FAM13A: variants seen among roughly 807,000 people sequenced by gnomAD.
FAM13A encodes the protein family with sequence similarity 13 member A.
Under a neutral mutation model 129.6 loss-of-function variants are expected in FAM13A, and 76 were observed. The observed-to-expected ratio is 0.59, with a 90% confidence interval of 0.49 to 0.71. The LOEUF (loss-of-function observed/expected upper bound fraction) is 0.71. FAM13A is among the 30% of genes least tolerant of loss of function. FAM13A has a pLI of 0.00. For synonymous variants in FAM13A, 443 were observed against 449.9 expected (o/e 0.98, Z 0.20); for missense variants, 1,108 against 1,249.3 (o/e 0.89, Z 1.70).
At chr4:88,832,851 C>T (rs540494651) in intron 7 of FAM13A, among the ~76,000 whole-genome samples, 4 of 150,884 alleles carry the variant, frequency 2.7e-5, no homozygotes, top group Admixed American at 2.6e-4. Context: ...AACAGAAATA[C>T]CATTTGACTC....
intron 6 of FAM13A, among the ~76,000 whole-genome samples, chr4:88,869,911 G>A (rs958686822): frequency 2.6e-5 from 4 of 152,104 alleles, no homozygotes; most frequent in African/African-American, 9.7e-5. Context: ...ATCAATATGT[G>A]CCCAGATGAA....
At chr4:89,004,468 G>C (rs1162791660) in intron 3 of FAM13A, among the ~76,000 whole-genome samples, 2 of 152,196 alleles carry the variant, frequency 1.3e-5, no homozygotes, top group Non-Finnish European at 2.9e-5. Flanking sequence ...AGCCAACGAT[G>C]AGAAAGTTCA....
intron 5 of FAM13A, among the ~76,000 whole-genome samples, chr4:88,928,894 A>G (rs1752623363): frequency 6.6e-6 from 1 of 151,236 alleles, no homozygotes; most frequent in African/African-American, 2.4e-5. Context: ...CTTTTTCTCT[A>G]ATTTTGTCTT....
Position 88,902,824 on chromosome 4 carries a change from T to C in FAM13A, c.843+3555A>G, listed in dbSNP as rs192020098. On this transcript the variant is annotated intron_variant, in intron 6 of 23. Transcript: ENST00000264344. ...GCAAGAGAGAAAGTCAAACTATCCC[T>C]GTTTTCATATGACATGATCCTATAT... 4.3e-4 allele frequency among the ~76,000 whole-genome samples: 65 copies of C among 152,324 alleles called. No homozygotes were observed. In the East Asian group the frequency reaches 0.012, roughly 28 times the overall value.
chr4:88,979,535 T>C lies in FAM13A; in HGVS notation c.605+11438A>G, dbSNP rs1290197130. 2.0e-5 allele frequency among the ~76,000 whole-genome samples: 3 copies of C among 152,180 alleles called. No homozygotes were observed. In the East Asian group the frequency reaches 5.8e-4, roughly 29 times the overall value. Reference sequence around the variant, plus strand: ...CAAGTTAAACTTTCTGTGCTGCAAGTTTCCTCACGTGAAGAGATAATAATA... The same window carrying C: ...CAAGTTAAACTTTCTGTGCTGCAAGCTTCCTCACGTGAAGAGATAATAATA... On this transcript the variant is annotated intron_variant, in intron 4 of 23. Coordinates refer to ENST00000264344, the MANE Select transcript of FAM13A (RefSeq NM_014883.4).
At position 89,010,930 on chromosome 4, in the gene FAM13A, C is replaced by T. The variant is rs138660197; in HGVS notation, c.427+9530G>A. Among the ~76,000 whole-genome samples, 886 of 152,170 alleles carry T rather than the reference C, an allele frequency of 5.8e-3. 11 individuals are homozygous for T. The highest frequency in any genetic ancestry group is 0.02 in the African/African-American group (848 of 41,514). On this transcript the variant is annotated intron_variant, in intron 3 of 23. Coordinates refer to ENST00000264344, the MANE Select transcript of FAM13A (RefSeq NM_014883.4). Reference sequence around the variant, plus strand: ...GTGGTGCGATCTCGGTTCACTGCAACCTCCACCTCCTGGCTCAAGCGATTT... The same window carrying T: ...GTGGTGCGATCTCGGTTCACTGCAATCTCCACCTCCTGGCTCAAGCGATTT...
intron 7 of FAM13A, among the ~76,000 whole-genome samples, chr4:88,816,590 G>C (rs1366095104): frequency 6.6e-6 from 1 of 152,138 alleles, no homozygotes; most frequent in Non-Finnish European, 1.5e-5. Context: ...TGGGAGGAAG[G>C]TCAGGAGTTC....
intron 19 of FAM13A, among the ~76,000 whole-genome samples, chr4:88,744,404 GT>G (rs1304455861): frequency 1.3e-5 from 2 of 152,184 alleles, no homozygotes; most frequent in African/African-American, 4.8e-5. Flanking sequence ...ATAAGTGAGT[GT>G]TTTTGTGTTT....
chr4:88,782,210 A>T (rs1723092030), intron 10 of FAM13A, among the ~76,000 whole-genome samples: 2 of 152,104 alleles, frequency 1.3e-5, no homozygotes, highest in South Asian at 4.1e-4. Context: ...AATTTAATTC[A>T]TTTGATGTTC....
chr4:88,893,236 T>C (rs989250435), intron 6 of FAM13A, among the ~76,000 whole-genome samples: 3 of 152,220 alleles, frequency 2.0e-5, no homozygotes, highest in Non-Finnish European at 2.9e-5. Flanking sequence ...GTTTATTTTT[T>C]GGTCATGACA....
intron 6 of FAM13A, among the ~76,000 whole-genome samples, chr4:88,884,191 G>T (rs368013135): frequency 7.0e-6 from 1 of 142,038 alleles, no homozygotes; most frequent in African/African-American, 2.7e-5. Flanking sequence ...CCAAAACCAG[G>T]AAAGGACATA....
At chr4:88,940,920 C>T (rs558985922) in intron 4 of FAM13A, among the ~76,000 whole-genome samples, 36 of 152,246 alleles carry the variant, frequency 2.4e-4, no homozygotes, top group African/African-American at 3.4e-4. Context: ...ACACTGCCAA[C>T]GTGGAATCAA....
At chr4:88,832,276 T>C (rs1222151507) in intron 7 of FAM13A, among the ~76,000 whole-genome samples, 1 of 152,114 alleles carries the variant, frequency 6.6e-6, no homozygotes, top group Non-Finnish European at 1.5e-5. Flanking sequence ...CCCAAAACTA[T>C]AAAATCCCTA....
intron 14 of FAM13A, among the ~76,000 whole-genome samples, chr4:88,752,934 C>T (rs1038818953): frequency 3.9e-5 from 6 of 152,158 alleles, no homozygotes; most frequent in African/African-American, 9.7e-5. Context: ...ATAAGCTCAC[C>T]GCAGAGTGGC....
At position 88,903,641 on chromosome 4, in the gene FAM13A, G is replaced by T. The variant is rs192002815; in HGVS notation, c.843+2738C>A. Reference sequence around the variant, plus strand: ...GGATTAAAGATTTCTAGGATTTTTAGAGTTTTGGGTTTTACATTTGTTGTA... The same window carrying T: ...GGATTAAAGATTTCTAGGATTTTTATAGTTTTGGGTTTTACATTTGTTGTA... On this transcript the variant is annotated intron_variant, in intron 6 of 23. Coordinates refer to ENST00000264344, the MANE Select transcript of FAM13A (RefSeq NM_014883.4). Among the ~76,000 whole-genome samples, 468 of 151,690 alleles carry T rather than the reference G, an allele frequency of 3.1e-3. 2 individuals are homozygous for T. The highest frequency in any genetic ancestry group is 0.011 in the African/African-American group (443 of 41,434).
intron 4 of FAM13A, among the ~76,000 whole-genome samples, chr4:88,957,056 T>C (rs1757862683): frequency 6.6e-6 from 1 of 152,170 alleles, no homozygotes; most frequent in African/African-American, 2.4e-5. Flanking sequence ...TCGGGTGCAG[T>C]GGCTCACGCC....
intron 20 of FAM13A, 63 bp from the exon 21 acceptor site, chr4:88,737,618 G>C: frequency 1.5e-6 from 2 of 1,299,176 alleles, no homozygotes; most frequent in South Asian, 2.4e-5. Flanking sequence ...TCCAGCTCTC[G>C]GCCTCCTCTG....
At chr4:88,775,142 G>C (rs1721421790) in intron 11 of FAM13A, among the ~76,000 whole-genome samples, 2 of 152,240 alleles carry the variant, frequency 1.3e-5, no homozygotes, top group East Asian at 3.9e-4. Flanking sequence ...ATACAACAAA[G>C]AAGAAAACAG....
intron 5 of FAM13A, among the ~76,000 whole-genome samples, chr4:88,921,672 C>T (rs910475036): frequency 6.6e-6 from 1 of 152,128 alleles, no homozygotes; most frequent in African/African-American, 2.4e-5. Context: ...GCTAACATCA[C>T]AATGACAGGA....
Sources: gnomAD v4.1 joint callset for allele counts (sites outside exome capture counted in the v4.1 genomes callset) on GRCh38, gnomAD v4.1.1 for gene constraint, MANE v1.5 for transcripts, NCBI Gene and HGNC (gene_info 2026-07-23, HGNC 2026-07-21) for gene names.